The following ADAMTSL1 variants were observed in gnomAD, a reference collection of about 807,000 sequenced individuals.
The protein encoded by ADAMTSL1 is ADAMTS like 1.
ADAMTSL1 carries 126 observed loss-of-function variants against 201.8 expected under a neutral mutation model. That is an observed-to-expected ratio of 0.62 (90% CI 0.54 to 0.72). ADAMTSL1 has a LOEUF of 0.72. ADAMTSL1 is among the 30% of genes least tolerant of loss of function. ADAMTSL1 has a pLI of 0.00. For missense variants in ADAMTSL1, 2,679 were observed against 2,277.8 expected (o/e 1.18, Z -3.59); for synonymous variants, 1,121 against 903.4 (o/e 1.24, Z -4.32).
intron 2 of ADAMTSL1, among the ~76,000 whole-genome samples, chr9:18,409,661 G>T (rs181840742): frequency 4.5e-4 from 67 of 150,488 alleles, no homozygotes; most frequent in African/African-American, 1.6e-3. Flanking sequence ...ATTATTCCCA[G>T]TTAAAACTCA....
intron 6 of ADAMTSL1, among the ~76,000 whole-genome samples, chr9:18,637,748 C>G (rs1316457345): frequency 6.6e-6 from 1 of 151,958 alleles, no homozygotes; most frequent in Non-Finnish European, 1.5e-5. Flanking sequence ...CTCTTCACTC[C>G]CAGAAGCTGG....
chr9:18,872,190 G>GACTT (rs749558058), intron 23 of ADAMTSL1, among the ~76,000 whole-genome samples: 25 of 151,802 alleles, frequency 1.6e-4, no homozygotes, highest in Non-Finnish European at 4.4e-5. Flanking sequence ...AATATAATAG[G>GACTT]ACTTGGTTAA....
intron 1 of ADAMTSL1, among the ~76,000 whole-genome samples, chr9:17,986,537 A>G (rs1445084131): frequency 1.3e-5 from 2 of 152,050 alleles, no homozygotes; most frequent in Non-Finnish European, 2.9e-5. Context: ...TGTCTTTTCC[A>G]TTTTCTCTCA....
intron 3 of ADAMTSL1, among the ~76,000 whole-genome samples, chr9:18,561,150 C>T (rs560511771): frequency 5.9e-5 from 9 of 152,148 alleles, no homozygotes; most frequent in Non-Finnish European, 7.3e-5. Flanking sequence ...ATCTTTCCCA[C>T]TTTCTCCTGT....
At chr9:18,744,216 C>T (rs542382471) in intron 15 of ADAMTSL1, among the ~76,000 whole-genome samples, 1 of 152,218 alleles carries the variant, frequency 6.6e-6, no homozygotes, top group Non-Finnish European at 1.5e-5. Flanking sequence ...ATGGTTTAGC[C>T]AAATAGTTTA....
At position 18,552,852 on chromosome 9, in the gene ADAMTSL1, G is replaced by C. The variant is rs190015764; in HGVS notation, c.237+19560G>C. 4.3e-4 allele frequency among the ~76,000 whole-genome samples: 65 copies of C among 151,510 alleles called. 1 individual carries two copies. The East Asian group carries it at 0.012, about 28-fold the overall frequency. ...TAAATATTCACCTTTCATTTGATTAGATCTGTCTCTTACATCTTTTTCTAC... is the reference window on the plus strand; with the variant it reads ...TAAATATTCACCTTTCATTTGATTACATCTGTCTCTTACATCTTTTTCTAC... On this transcript the variant is annotated intron_variant, in intron 3 of 28. Coordinates refer to ENST00000380548, the MANE Select transcript of ADAMTSL1 (RefSeq NM_001040272.6).
Position 17,974,155 on chromosome 9 carries a change from A to G in ADAMTSL1, c.87+67233A>G, listed in dbSNP as rs548843581. Among the ~76,000 whole-genome samples, 3 of 152,130 alleles carry G rather than the reference A, an allele frequency of 2.0e-5. No homozygotes were observed. The East Asian group carries it at 5.8e-4, about 30-fold the overall frequency. On this transcript the variant is annotated intron_variant, in intron 1 of 29. Transcript: ENST00000680146. ...GCCAATATCATACTGAATGGGCAAA[A>G]ACTGGAAGCATTCACTTTGAAAATG... is the stretch of plus-strand genomic sequence containing the variant.
intron 14 of ADAMTSL1, among the ~76,000 whole-genome samples, chr9:18,709,122 G>T (rs1832403374): frequency 6.6e-6 from 1 of 152,138 alleles, no homozygotes. Flanking sequence ...CTTACCTTCA[G>T]TTATGTCACT....
chr9:18,485,366 A>C (rs1286580493), intron 1 of ADAMTSL1, among the ~76,000 whole-genome samples: 1 of 152,248 alleles, frequency 6.6e-6, no homozygotes, highest in South Asian at 2.1e-4. Context: ...TCTTTATTCT[A>C]TGTGTCAACA....
chr9:18,769,557 T>C (rs1820565653), intron 16 of ADAMTSL1, among the ~76,000 whole-genome samples: 1 of 152,164 alleles, frequency 6.6e-6, no homozygotes, highest in East Asian at 1.9e-4. Context: ...AGAGCAGATA[T>C]GGTGGTTTCA....
chr9:17,952,728 C>T (rs1040547507), intron 1 of ADAMTSL1, among the ~76,000 whole-genome samples: 9 of 152,038 alleles, frequency 5.9e-5, no homozygotes, highest in Admixed American at 5.2e-4. Flanking sequence ...GGTTTCACCA[C>T]GTTGGCCAGG....
At chr9:18,823,178 T>C (rs1824319958) in intron 21 of ADAMTSL1, among the ~76,000 whole-genome samples, 1 of 152,214 alleles carries the variant, frequency 6.6e-6, no homozygotes, top group South Asian at 2.1e-4. Context: ...AATGCAGATC[T>C]GTGCTTGAAT....
intron 3 of ADAMTSL1, among the ~76,000 whole-genome samples, chr9:18,546,876 G>A (rs1399507696): frequency 6.6e-6 from 1 of 152,090 alleles, no homozygotes; most frequent in Non-Finnish European, 1.5e-5. Flanking sequence ...AGCATCCTAT[G>A]TAGATTTCTT....
intron 23 of ADAMTSL1, among the ~76,000 whole-genome samples, chr9:18,851,266 C>G (rs1826475574): frequency 6.6e-6 from 1 of 151,836 alleles, no homozygotes; most frequent in Admixed American, 6.6e-5. Context: ...AACACAGAAG[C>G]AATGGTGAGA....
At chr9:18,718,471 C>G (rs998564129) in intron 14 of ADAMTSL1, 3 of 590,572 alleles carry the variant, frequency 5.1e-6, no homozygotes, top group Admixed American at 1.9e-5. Context: ...ATTGTACATT[C>G]AAAGCAGACT....
At chr9:18,256,322 C>T (rs1353411312) in intron 2 of ADAMTSL1, among the ~76,000 whole-genome samples, 1 of 152,104 alleles carries the variant, frequency 6.6e-6, no homozygotes, top group Non-Finnish European at 1.5e-5. Context: ...GCTAGGCAGG[C>T]AATAGGTTGG....
intron 2 of ADAMTSL1, among the ~76,000 whole-genome samples, chr9:18,200,742 TAA>T (rs1278732586): frequency 6.6e-6 from 1 of 152,004 alleles, no homozygotes; most frequent in Non-Finnish European, 1.5e-5. Flanking sequence ...TGAAAATTAA[TAA>T]GTTTAATGTA....
At chr9:18,698,092 A>G (rs1220656174) in intron 13 of ADAMTSL1, among the ~76,000 whole-genome samples, 2 of 152,218 alleles carry the variant, frequency 1.3e-5, no homozygotes, top group African/African-American at 4.8e-5. Flanking sequence ...TGCCTGGCAC[A>G]TAAGAAACAC....
chr9:17,954,619 G>A (rs974139273), intron 1 of ADAMTSL1, among the ~76,000 whole-genome samples: 1 of 152,156 alleles, frequency 6.6e-6, no homozygotes, highest in Non-Finnish European at 1.5e-5. Context: ...GGCATGGAAG[G>A]AATCATGCTT....
Sources: gnomAD v4.1 joint callset for allele counts (sites outside exome capture counted in the v4.1 genomes callset) on GRCh38, gnomAD v4.1.1 for gene constraint, MANE v1.5 for transcripts, NCBI Gene and HGNC (gene_info 2026-07-23, HGNC 2026-07-21) for gene names.